The following RORB variants were observed in gnomAD, a reference collection of about 807,000 sequenced individuals.
RORB encodes nuclear receptor ROR-beta.
In RORB, 6 loss-of-function variants were observed where a neutral mutation model predicts 59.1. The observed-to-expected ratio is 0.10, with a 90% CI of 0.06 to 0.20. The LOEUF (loss-of-function observed/expected upper bound fraction) is 0.20, where lower values mean the gene tolerates loss of function less well. Ranked by LOEUF, RORB falls within the 10% of genes least tolerant of loss-of-function variation. RORB has a pLI of 1.00. For synonymous variants in RORB, 215 were observed against 204.5 expected (o/e 1.05, Z -0.44); for missense variants, 320 against 560.5 (o/e 0.57, Z 4.33).
At chr9:74,652,989 G>T (rs996971558) in intron 4 of RORB, among the ~76,000 whole-genome samples, 2 of 152,164 alleles carry the variant, frequency 1.3e-5, no homozygotes, top group Non-Finnish European at 2.9e-5. Context: ...TAAAAATAAT[G>T]ATCTCTAAAT....
Position 74,671,791 on chromosome 9 carries a change from C to A in RORB, c.1114C>A (p.Arg372=). The A allele has an allele frequency of 2.5e-6, 4 of 1,605,046 alleles. No homozygotes were observed. The South Asian group carries it at 3.3e-5, about 13-fold the overall frequency. Residue 372 remains arginine, a splice_region_variant and synonymous_variant, in exon 9 of 10, where the codon CGA becomes AGA. Transcript: ENST00000376896. The part of the protein sequence containing the change: ...FSSAVLISPD[R]AWLIEPRKVQ... Reference sequence around the variant, plus strand: ...TTACCCACTCTTTCTTTCATCAGACCGAGCCTGGCTTATAGAACCAAGGAA... The same window carrying A: ...TTACCCACTCTTTCTTTCATCAGACAGAGCCTGGCTTATAGAACCAAGGAA...
At position 74,531,584 on chromosome 9, in the gene RORB, A is replaced by T. The variant is rs142535850; in HGVS notation, c.7+33601A>T. Among the ~76,000 whole-genome samples, 22 of 152,126 alleles carry T rather than the reference A, an allele frequency of 1.4e-4. 1 individual carries two copies. The East Asian group carries it at 4.1e-3, about 28-fold the overall frequency. Reference sequence around the variant, plus strand: ...GAGCTCAGACATCTTAGGTTCAGACATCTAAACTTAGGATATGTATAACCA... The same window carrying T: ...GAGCTCAGACATCTTAGGTTCAGACTTCTAAACTTAGGATATGTATAACCA... On this transcript the variant is annotated intron_variant, in intron 1 of 9. Transcript: ENST00000376896.
At chr9:74,652,344 G>A (rs1459028593) in intron 4 of RORB, among the ~76,000 whole-genome samples, 3 of 152,072 alleles carry the variant, frequency 2.0e-5, no homozygotes, top group Non-Finnish European at 1.5e-5. Flanking sequence ...GGAAGCAGAG[G>A]TTGCAGTGAG....
At position 74,634,744 on chromosome 9, in the gene RORB, G is replaced by A. The variant is rs769437163; in HGVS notation, c.207G>A (p.Lys69=). 4.3e-6 allele frequency: 7 copies of A among 1,613,572 alleles called. No individual in the cohort carries two copies. The highest frequency in any genetic ancestry group is 3.3e-5 in the South Asian group (3 of 91,030). Residue 69 remains lysine (K), a synonymous_variant, in exon 3 of 10, where the codon AAG becomes AAA. Coordinates refer to ENST00000376896, the MANE Select transcript of RORB (RefSeq NM_006914.4). The stretch of plus-strand genomic sequence containing the variant: ...GTTGCCAACACTGCCGACTGCAGAA[G>A]TGTCTTGCCCTAGGAATGTCAAGAG... ...RNRCQHCRLQ[K]CLALGMSRDA...
chr9:74,600,700 C>A (rs1823041754), intron 1 of RORB, among the ~76,000 whole-genome samples: 1 of 152,170 alleles, frequency 6.6e-6, no homozygotes, highest in Admixed American at 6.5e-5. Context: ...GAGTTAACAA[C>A]ATTAATATAT....
At chr9:74,572,470 C>T (rs182062414) in intron 1 of RORB, among the ~76,000 whole-genome samples, 7 of 152,196 alleles carry the variant, frequency 4.6e-5, no homozygotes, top group African/African-American at 1.7e-4. Flanking sequence ...CAAGATCTGC[C>T]TCTCATCAAG....
intron 1 of RORB, among the ~76,000 whole-genome samples, chr9:74,583,599 A>G (rs115562943): frequency 7.2e-5 from 11 of 152,006 alleles, no homozygotes; most frequent in African/African-American, 2.7e-4. Flanking sequence ...AGCATTTTCA[A>G]TCAAACAGAT....
chr9:74,688,204 CAG>C lies in RORB; in HGVS notation c.*2589_*2590del, dbSNP rs986472501. ...CCTTTTGAAGCTGGGAGGAAGGAAA[CAG>C]AGCTAGCATCTGAACCAGAGCAAAA... is the stretch of plus-strand genomic sequence containing the variant. On this transcript the variant is annotated 3_prime_UTR_variant, in exon 10 of 10. Transcript: ENST00000376896. 13 of 152,168 alleles carry C rather than the reference CAG, an allele frequency of 8.5e-5. No individual in the cohort carries two copies. Among genetic ancestry groups the C allele is most frequent in the African/African-American group, 3.1e-4 (13 of 41,442 alleles). 9.4% of individuals were successfully genotyped at this position (152,168 alleles called of 1,614,324 possible). A position where few individuals can be genotyped will look rare whatever the true frequency, so the allele number is the denominator to read the frequency against.
At chr9:74,672,334 G>C (rs186562981) in intron 9 of RORB, among the ~76,000 whole-genome samples, 1 of 152,154 alleles carries the variant, frequency 6.6e-6, no homozygotes, top group Non-Finnish European at 1.5e-5. Flanking sequence ...GTTGTATGGG[G>C]GGTGGACTAC....
intron 1 of RORB, among the ~76,000 whole-genome samples, chr9:74,539,673 A>G (rs1300888196): frequency 2.4e-4 from 36 of 152,138 alleles, no homozygotes; most frequent in Admixed American, 2.3e-3. Context: ...GCATTTATAG[A>G]TAAATGCTAT....
intron 8 of RORB, among the ~76,000 whole-genome samples, chr9:74,669,283 A>C (rs575428779): frequency 6.6e-6 from 1 of 152,220 alleles, no homozygotes; most frequent in Non-Finnish European, 1.5e-5. Flanking sequence ...GTTTGAGAGC[A>C]GCCTGGCTAA....
chr9:74,623,355 T>C (rs1291957677), intron 1 of RORB, among the ~76,000 whole-genome samples: 1 of 152,118 alleles, frequency 6.6e-6, no homozygotes, highest in Non-Finnish European at 1.5e-5. Flanking sequence ...ACACTGGGTG[T>C]TAATTACAGT....
intron 1 of RORB, among the ~76,000 whole-genome samples, chr9:74,508,721 C>T (rs1297998985): frequency 6.6e-6 from 1 of 151,906 alleles, no homozygotes; most frequent in Non-Finnish European, 1.5e-5. Flanking sequence ...TAAGGAATTC[C>T]TTAGATACTA....
rs547871573 is a variant in RORB, at chr9:74,578,301, C to T, written c.8-51981C>T. 2.5e-4 allele frequency among the ~76,000 whole-genome samples: 38 copies of T among 152,150 alleles called. No homozygotes were observed. The South Asian group carries it at 7.9e-3, about 32-fold the overall frequency. ...GGACAAGATACTGATTATATTAGGT[C>T]GTTAATGGCTCATGTGAGAAAGAAA... On this transcript the variant is annotated intron_variant, in intron 1 of 9. Coordinates refer to ENST00000376896, the MANE Select transcript of RORB (RefSeq NM_006914.4).
intron 1 of RORB, among the ~76,000 whole-genome samples, chr9:74,526,829 A>G (rs1254985015): frequency 6.6e-6 from 1 of 151,988 alleles, no homozygotes; most frequent in Non-Finnish European, 1.5e-5. Context: ...TACCTTTTAG[A>G]AATTGATGCT....
At chr9:74,521,770 C>T (rs1355874758) in intron 1 of RORB, among the ~76,000 whole-genome samples, 2 of 151,734 alleles carry the variant, frequency 1.3e-5, no homozygotes, top group Admixed American at 6.6e-5. Flanking sequence ...AATACAGTAC[C>T]TGTCACGAGT....
chr9:74,653,175 T>G (rs557094261), intron 4 of RORB, among the ~76,000 whole-genome samples: 2 of 152,276 alleles, frequency 1.3e-5, no homozygotes, highest in Non-Finnish European at 2.9e-5. Flanking sequence ...CAACCAAGTG[T>G]TTTAATATGT....
At chr9:74,685,211 G>A (rs1359398422) in intron 9 of RORB, among the ~76,000 whole-genome samples, 2 of 148,072 alleles carry the variant, frequency 1.4e-5, no homozygotes, top group African/African-American at 5.0e-5. Context: ...TTATTTAAGA[G>A]CGATGAATCA....
In RORB at chr9:74,642,436, C is replaced by A. The variant is rs772141683; in HGVS notation, c.258C>A (p.Ser86=). 1.9e-6 allele frequency: 3 copies of A among 1,610,754 alleles called. No homozygotes were observed. The African/African-American group carries it at 4.0e-5, about 22-fold the overall frequency. ...SRDAVKFGRM[S]KKQRDSLYAE... is the part of the protein sequence containing the mutation. Reference sequence around the variant, plus strand: ...CAGCTGTGAAGTTTGGGAGGATGTCCAAGAAGCAAAGGGACAGCCTGTATG... The same window carrying A: ...CAGCTGTGAAGTTTGGGAGGATGTCAAAGAAGCAAAGGGACAGCCTGTATG... Residue 86 remains serine, a synonymous_variant, in exon 4 of 10, where the codon TCC becomes TCA. Transcript: ENST00000376896.
Sources: gnomAD v4.1 joint callset for allele counts (sites outside exome capture counted in the v4.1 genomes callset) on GRCh38, gnomAD v4.1.1 for gene constraint, MANE v1.5 for transcripts, NCBI Gene and HGNC (gene_info 2026-07-23, HGNC 2026-07-21) for gene names.